TMEM182: variants seen among roughly 807,000 people sequenced by gnomAD.
TMEM182 encodes transmembrane protein 182.
A neutral mutation model predicts 26.8 loss-of-function variants in TMEM182; 20 were observed. The observed-to-expected ratio is 0.75, with a 90% CI of 0.53 to 1.09. TMEM182 has a LOEUF of 1.09. TMEM182 is among the 50% of genes least tolerant of loss of function. TMEM182 has a pLI of 0.00. For synonymous variants in TMEM182, 109 were observed against 102.2 expected (o/e 1.07, Z -0.40); for missense variants, 277 against 275.5 (o/e 1.01, Z -0.04).
At chr2:102,795,745 T>A (rs1681843638) in intron 3 of TMEM182, among the ~76,000 whole-genome samples, 1 of 152,204 alleles carries the variant, frequency 6.6e-6, no homozygotes, top group African/African-American at 2.4e-5. Flanking sequence ...CTCTTTTCTC[T>A]GTGGGATTTT....
rs139384397 is a variant in TMEM182 at position 102,762,271 on chromosome 2, G to A, written c.54G>A (p.Val18=). 32 of 1,613,790 alleles carry A rather than the reference G, an allele frequency of 2.0e-5. No homozygotes were observed. In the African/African-American group the frequency reaches 3.1e-4, roughly 15 times the overall value. ...FFGALFGALG[V]LLFLVAFGSD... ...GAGCTCTCTTTGGTGCTTTGGGGGTGTTACTCTTTTTGGTGGCTTTTGGAT... is the reference window on the plus strand; with the variant it reads ...GAGCTCTCTTTGGTGCTTTGGGGGTATTACTCTTTTTGGTGGCTTTTGGAT... The change falls in exon 1 of 5, where the codon GTG becomes GTA. Residue 18 remains valine (V), a synonymous_variant. Coordinates refer to ENST00000412401, the MANE Select transcript of TMEM182 (RefSeq NM_144632.5).
chr2:102,759,798 A>G (rs1001509285), upstream of TMEM182, among the ~76,000 whole-genome samples: 4 of 151,778 alleles, frequency 2.6e-5, no homozygotes, highest in Non-Finnish European at 4.4e-5. Flanking sequence ...TCCTCTTCCT[A>G]CTTCTAGATG....
At chr2:102,746,247 T>C (rs1679692235) in intron 1 of TMEM182, among the ~76,000 whole-genome samples, 2 of 152,162 alleles carry the variant, frequency 1.3e-5, no homozygotes, top group African/African-American at 4.8e-5. Context: ...TTGGGAGAAA[T>C]ACCAGTGTAG....
At chr2:102,820,850 G>T (rs552376060), downstream of TMEM182, among the ~76,000 whole-genome samples, 3 of 152,314 alleles carry the variant, frequency 2.0e-5, no homozygotes, top group African/African-American at 4.8e-5. Context: ...TTAGATAGAG[G>T]TTGAGGACAG....
At position 102,741,958 on chromosome 2, in the gene TMEM182, A is replaced by G. The variant is rs1206379946; in HGVS notation, c.-83+4945A>G. Among the ~76,000 whole-genome samples the G allele has an allele frequency of 3.9e-5, 6 of 152,344 alleles. No homozygotes were observed. The East Asian group carries it at 7.7e-4, about 20-fold the overall frequency. ...TACCTGAGATCCTATGACTCAAGAC[A>G]TTATGTCTGGCTTTCAACAACAAAA... On this transcript the variant is annotated intron_variant, in intron 1 of 5. Transcript: ENST00000409173.
intron 3 of TMEM182, among the ~76,000 whole-genome samples, chr2:102,833,614 C>G (rs1683190180): frequency 6.6e-6 from 1 of 152,130 alleles, no homozygotes; most frequent in Non-Finnish European, 1.5e-5. Flanking sequence ...ATTAGGAATC[C>G]ACTAGTCTTT....
chr2:102,814,691 C>G lies in TMEM182; in HGVS notation c.470-57C>G, dbSNP rs191874739. On this transcript the variant is annotated intron_variant, in intron 4 of 4. Coordinates refer to ENST00000412401, the MANE Select transcript of TMEM182 (RefSeq NM_144632.5). ...TCCGGTCAATGATTGGTTTAGATAGCGTTCTTGAGAAAACATCTTCAGAAA... is the reference window on the plus strand; with the variant it reads ...TCCGGTCAATGATTGGTTTAGATAGGGTTCTTGAGAAAACATCTTCAGAAA... 7.4e-6 allele frequency: 11 copies of G among 1,485,558 alleles called. No individual in the cohort carries two copies. The Admixed American group carries it at 1.6e-4, about 22-fold the overall frequency. 92.0% of individuals were successfully genotyped at this position (1,485,558 alleles called of 1,614,324 possible). A position where few individuals can be genotyped will look rare whatever the true frequency, so the allele number is the denominator to read the frequency against.
At chr2:102,740,305 T>A (rs35247825) in intron 1 of TMEM182, among the ~76,000 whole-genome samples, 1 of 152,092 alleles carries the variant, frequency 6.6e-6, no homozygotes, top group South Asian at 2.1e-4. Context: ...TGGGACATAA[T>A]TGAATCATGG....
chr2:102,806,156 T>C (rs1462722653), intron 4 of TMEM182, among the ~76,000 whole-genome samples: 1 of 152,226 alleles, frequency 6.6e-6, no homozygotes, highest in Non-Finnish European at 1.5e-5. Context: ...AAATATTGTA[T>C]TGGTTTTTTC....
intron 4 of TMEM182, among the ~76,000 whole-genome samples, chr2:102,806,545 T>C (rs1682356402): frequency 6.6e-6 from 1 of 152,194 alleles, no homozygotes; most frequent in Non-Finnish European, 1.5e-5. Context: ...GCGAGTTTAT[T>C]CTTTTGCCTC....
chr2:102,793,629 T>C (rs1457512085), intron 3 of TMEM182, among the ~76,000 whole-genome samples: 1 of 152,258 alleles, frequency 6.6e-6, no homozygotes, highest in African/African-American at 2.4e-5. Context: ...TCCTGTATAC[T>C]TTAAATCATC....
chr2:102,823,017 GTCT>G lies in TMEM182; in HGVS notation c.326-20392_326-20390del, dbSNP rs1682957945. On this transcript the variant is annotated intron_variant, in intron 3 of 3. Transcript: ENST00000486293. Reference sequence around the variant, plus strand: ...TCACCTTTTACAAGTCAAATCAATAGTCTTCACTGCTCATCCTCAAAGCACAAA... The same window carrying G: ...TCACCTTTTACAAGTCAAATCAATAGTCACTGCTCATCCTCAAAGCACAAA... Among the ~76,000 whole-genome samples, 4 of 152,178 alleles carry G rather than the reference GTCT, an allele frequency of 2.6e-5. No individual in the cohort carries two copies. The South Asian group carries it at 8.3e-4, about 31-fold the overall frequency.
At chr2:102,841,686 C>T (rs186606693) in intron 3 of TMEM182, among the ~76,000 whole-genome samples, 1 of 152,250 alleles carries the variant, frequency 6.6e-6, no homozygotes, top group African/African-American at 2.4e-5. Context: ...TCCATATGGA[C>T]GTTAAAGGGA....
At chr2:102,764,746 T>C (rs1168040759) in intron 3 of TMEM182, among the ~76,000 whole-genome samples, 1 of 151,888 alleles carries the variant, frequency 6.6e-6, no homozygotes, top group Admixed American at 6.6e-5. Context: ...CTAAAACGAG[T>C]CCTACAGTTG....
chr2:102,754,054 G>C (rs532813561), intron 1 of TMEM182, among the ~76,000 whole-genome samples: 1 of 152,080 alleles, frequency 6.6e-6, no homozygotes, highest in Non-Finnish European at 1.5e-5. Context: ...AATATTAAAG[G>C]GTCAGTAGAA....
intron 4 of TMEM182, among the ~76,000 whole-genome samples, chr2:102,806,283 T>C (rs1401992277): frequency 6.6e-6 from 1 of 152,200 alleles, no homozygotes; most frequent in Admixed American, 6.5e-5. Context: ...AAAGAATTTT[T>C]ACTTCCTAGA....
At chr2:102,784,830 G>A (rs1213918397) in intron 3 of TMEM182, among the ~76,000 whole-genome samples, 2 of 152,214 alleles carry the variant, frequency 1.3e-5, no homozygotes, top group Non-Finnish European at 2.9e-5. Context: ...AGGACAACCA[G>A]AGGTCACTCT....
intron 3 of TMEM182, chr2:102,834,408 G>A: frequency 1.0e-6 from 1 of 984,942 alleles, no homozygotes; most frequent in Non-Finnish European, 1.2e-6. Context: ...GCTGTAAACA[G>A]AAATCTAGAA....
intron 1 of TMEM182, among the ~76,000 whole-genome samples, chr2:102,742,224 A>G (rs1679564440): frequency 6.6e-6 from 1 of 152,204 alleles, no homozygotes; most frequent in Non-Finnish European, 1.5e-5. Context: ...AATCAAGAAC[A>G]CTGTAACAGA....
Sources: allele counts gnomAD v4.1 joint callset (sites outside exome capture counted in the v4.1 genomes callset), GRCh38; gene constraint gnomAD v4.1.1; transcripts MANE v1.5; gene names NCBI Gene and HGNC (gene_info 2026-07-23, HGNC 2026-07-21).